Variants in CRYBB1 observed in about 807,000 individuals in gnomAD.
The protein encoded by CRYBB1 is crystallin beta B1.
Under a neutral mutation model 29.5 loss-of-function variants are expected in CRYBB1, and 16 were observed. That is an observed-to-expected ratio of 0.54 (90% CI 0.37 to 0.82). The LOEUF (loss-of-function observed/expected upper bound fraction) is 0.82. CRYBB1 is among the 40% of genes least tolerant of loss of function. CRYBB1 has a pLI of 0.00. For missense variants in CRYBB1, 300 were observed against 350.5 expected, an observed-to-expected ratio of 0.86 and a Z score of 1.15; for synonymous variants, 127 against 136.7, an observed-to-expected ratio of 0.93 and a Z score of 0.49.
chr22:26,612,572 C>T (rs1052155745), intron 2 of CRYBB1, among the ~76,000 whole-genome samples: 12 of 152,174 alleles, frequency 7.9e-5, no homozygotes, highest in African/African-American at 2.4e-4. Context: ...AGGCTGGTCT[C>T]GAATTCCTGA....
intron 4 of CRYBB1, among the ~76,000 whole-genome samples, chr22:26,605,751 A>T (rs67781490): frequency 0.017 from 1,432 of 83,076 alleles, 9 homozygotes; most frequent in Non-Finnish European, 0.023. Context: ...GGTCAGGTTT[A>T]TTTTTTTTTT....
chr22:26,609,124 GAT>G (rs1333677201), intron 3 of CRYBB1, among the ~76,000 whole-genome samples: 1 of 152,154 alleles, frequency 6.6e-6, no homozygotes, highest in Non-Finnish European at 1.5e-5. Context: ...AAAAGAGACG[GAT>G]GAGGGGACAC....
intron 5 of CRYBB1, 126 bp from the exon 6 acceptor site, chr22:26,599,799 G>A: frequency 1.3e-6 from 1 of 774,698 alleles, no homozygotes; most frequent in Non-Finnish European, 2.3e-6. Context: ...TTCTGTCCTG[G>A]CTATATCCCT....
intron 2 of CRYBB1, among the ~76,000 whole-genome samples, chr22:26,615,390 G>A (rs184567709): frequency 1.3e-5 from 2 of 152,218 alleles, no homozygotes; most frequent in South Asian, 2.1e-4. Context: ...TCTTGCTTTC[G>A]ATAAACTCTA....
chr22:26,602,168 G>T, intron 4 of CRYBB1, 147 bp from the exon 5 acceptor site: 1 of 1,019,550 alleles, frequency 9.8e-7, no homozygotes, highest in Non-Finnish European at 1.5e-6. Context: ...TGTCTAGTCT[G>T]GAAGGAGACA....
At chr22:26,599,716 C>T (rs1435160030) in intron 5 of CRYBB1, 43 bp from the exon 6 acceptor site, 18 of 1,527,968 alleles carry the variant, frequency 1.2e-5, no homozygotes, top group African/African-American at 2.7e-5. Context: ...CAGCCTGTCT[C>T]GTTGCCTGGC....
intron 4 of CRYBB1, among the ~76,000 whole-genome samples, chr22:26,605,032 T>A (rs1028374301): frequency 4.6e-5 from 7 of 152,122 alleles, no homozygotes; most frequent in African/African-American, 1.7e-4. Flanking sequence ...GTCCCACCAG[T>A]CCATCGTTGC....
intron 2 of CRYBB1, among the ~76,000 whole-genome samples, chr22:26,613,778 G>T (rs1602330834): frequency 6.6e-6 from 1 of 152,330 alleles, no homozygotes; most frequent in East Asian, 1.9e-4. Flanking sequence ...CAGGGAATAA[G>T]AGAGATAACC....
chr22:26,607,862 T>C, intron 4 of CRYBB1, 27 bp downstream of exon 4: 3 of 1,613,986 alleles, frequency 1.9e-6, no homozygotes, highest in Non-Finnish European at 2.5e-6. Context: ...TGGCTGATTC[T>C]CCAGCCCCAG....
chr22:26,601,840 T>C lies in CRYBB1; in HGVS notation c.575+39A>G, dbSNP rs764469733. 9 of 1,610,996 alleles carry C rather than the reference T, an allele frequency of 5.6e-6. 1 individual carries two copies. Among genetic ancestry groups the C allele is most frequent in the Middle Eastern group, 4.5e-4 (2 of 4,464 alleles). On this transcript the variant is annotated intron_variant, in intron 5 of 5. Transcript: ENST00000647684. ...AGCAGCCTCTGATTCTGCCTGTGCTTGAAGCAGGGGACGCGGACCTGGCAG... is the reference window on the plus strand; with the variant it reads ...AGCAGCCTCTGATTCTGCCTGTGCTCGAAGCAGGGGACGCGGACCTGGCAG...
At chr22:26,603,808 C>T (rs772891802) in intron 4 of CRYBB1, among the ~76,000 whole-genome samples, 13 of 151,734 alleles carry the variant, frequency 8.6e-5, no homozygotes, top group Non-Finnish European at 1.5e-5. Flanking sequence ...CCTGTAGTCC[C>T]AGCTACTCAG....
chr22:26,600,369 T>C (rs1195483752), intron 5 of CRYBB1, among the ~76,000 whole-genome samples: 1 of 151,710 alleles, frequency 6.6e-6, no homozygotes. Context: ...ACCACTGTAC[T>C]CCAGCCTGAG....
intron 4 of CRYBB1, among the ~76,000 whole-genome samples, chr22:26,607,588 T>G: frequency 6.9e-6 from 1 of 144,164 alleles, no homozygotes. Flanking sequence ...AAGCTCCCAG[T>G]AAGGTCTAAA....
At chr22:26,608,808 G>A (rs560939995) in intron 3 of CRYBB1, among the ~76,000 whole-genome samples, 41 of 152,190 alleles carry the variant, frequency 2.7e-4, no homozygotes, top group South Asian at 1.3e-3. Flanking sequence ...ACTAGTATGA[G>A]GCAATGGGAA....
At chr22:26,609,131 G>C (rs989586517) in intron 3 of CRYBB1, among the ~76,000 whole-genome samples, 1 of 152,088 alleles carries the variant, frequency 6.6e-6, no homozygotes, top group Non-Finnish European at 1.5e-5. Flanking sequence ...ACGGATGAGG[G>C]GACACTGACA....
intron 3 of CRYBB1, among the ~76,000 whole-genome samples, chr22:26,611,560 C>T (rs1297499877): frequency 1.3e-5 from 2 of 151,606 alleles, no homozygotes; most frequent in South Asian, 2.1e-4. Flanking sequence ...CTGCAAGCTC[C>T]GCTTCCCGGG....
chr22:26,606,510 C>T (rs187531619), intron 4 of CRYBB1, among the ~76,000 whole-genome samples: 8 of 152,300 alleles, frequency 5.3e-5, no homozygotes, highest in Admixed American at 3.9e-4. Flanking sequence ...CTAGAAGCTA[C>T]TGGAAATGCC....
At chr22:26,612,574 A>T (rs1158933754) in intron 2 of CRYBB1, among the ~76,000 whole-genome samples, 1 of 152,190 alleles carries the variant, frequency 6.6e-6, no homozygotes, top group African/African-American at 2.4e-5. Context: ...GCTGGTCTCG[A>T]ATTCCTGAGC....
Position 26,599,419 on chromosome 22 carries a change from C to T in CRYBB1, c.*71G>A. ...TTTTGGCTTTAGGGAATTTTATTTG[C>T]CTGGGAAAAATGGGGGAAATAATTG... On this transcript the variant is annotated 3_prime_UTR_variant, in exon 6 of 6. Coordinates refer to ENST00000647684, the MANE Select transcript of CRYBB1 (RefSeq NM_001887.4). The T allele has an allele frequency of 6.6e-7, 1 of 1,513,860 alleles. No homozygotes were observed. Among genetic ancestry groups the T allele is most frequent in the Non-Finnish European group, 9.0e-7 (1 of 1,112,130 alleles). 93.8% of individuals were successfully genotyped at this position (1,513,860 alleles called of 1,614,324 possible).
Sources: allele counts gnomAD v4.1 joint callset (sites outside exome capture counted in the v4.1 genomes callset), GRCh38; gene constraint gnomAD v4.1.1; transcripts MANE v1.5; gene names NCBI Gene and HGNC (gene_info 2026-07-23, HGNC 2026-07-21).